Variants in RPGRIP1 observed in about 807,000 individuals in gnomAD.
RPGRIP1 encodes X-linked retinitis pigmentosa GTPase regulator-interacting protein 1.
RPGRIP1 carries 128 observed loss-of-function variants against 157.9 expected under a neutral mutation model. The ratio of observed to expected loss-of-function variants is 0.81; its 90% CI spans 0.70 to 0.94. The LOEUF (loss-of-function observed/expected upper bound fraction) is 0.94. Ranked by LOEUF, RPGRIP1 falls within the 40% of genes least tolerant of loss-of-function variation. The pLI, the probability that RPGRIP1 is intolerant of heterozygous loss-of-function variation, is 0.00. For missense variants in RPGRIP1, 1,486 were observed against 1,545.8 expected (o/e 0.96, Z 0.65); for synonymous variants, 554 against 571.6 (o/e 0.97, Z 0.44).
At chr14:21,334,448 C>T (rs1164981468) in intron 20 of RPGRIP1, among the ~76,000 whole-genome samples, 157 bp from the exon 21 acceptor site, 1 of 151,322 alleles carries the variant, frequency 6.6e-6, no homozygotes, top group Non-Finnish European at 1.5e-5. Context: ...AATAAGTGTA[C>T]CTTTGAAAAA....
At chr14:21,329,929 C>T (rs1356638376) in intron 19 of RPGRIP1, among the ~76,000 whole-genome samples, 1 of 150,878 alleles carries the variant, frequency 6.6e-6, no homozygotes, top group Admixed American at 6.6e-5. Flanking sequence ...ACCAGCCTGG[C>T]CAACATGGTG....
chr14:21,311,831 G>A lies in RPGRIP1; in HGVS notation c.938G>A (p.Gly313Glu), dbSNP rs755322533. 83 of 1,599,994 alleles carry A rather than the reference G, an allele frequency of 5.2e-5. No individual in the cohort carries two copies. The highest frequency in any genetic ancestry group is 6.5e-5 in the Non-Finnish European group (76 of 1,175,226). The change falls in exon 9 of 25, where the codon GGA becomes GAA. Residue 313 changes from glycine to glutamate, a missense_variant. Coordinates refer to ENST00000400017, the MANE Select transcript of RPGRIP1 (RefSeq NM_020366.4). The part of the protein sequence containing the change: ...AYETLLQKNQ[G>E]ILSAAHEALL... ...ACTTTCCTTTTGACCCAGAATCAGG[G>A]AATCCTGAGTGCAGCCCATGAGGCC...
At chr14:21,326,205 C>T (rs371178827) in intron 17 of RPGRIP1, 32 bp downstream of exon 17, 5 of 1,415,468 alleles carry the variant, frequency 3.5e-6, no homozygotes, top group Admixed American at 2.1e-5. Flanking sequence ...ATCTTCACGC[C>T]CTCTTCCCAG....
intron 8 of RPGRIP1, 140 bp downstream of exon 8, chr14:21,310,747 A>G (rs377504054): frequency 1.5e-5 from 10 of 651,554 alleles, no homozygotes; most frequent in African/African-American, 7.3e-5. Context: ...GTTTCTGTTA[A>G]AAATGATACT....
chr14:21,301,871 C>T (rs1216678497), intron 4 of RPGRIP1, among the ~76,000 whole-genome samples: 1 of 151,828 alleles, frequency 6.6e-6, no homozygotes, highest in Non-Finnish European at 1.5e-5. Flanking sequence ...GAGTGACACT[C>T]TGCCTCAAAA....
At chr14:21,307,706 A>C (rs1197288335) in intron 6 of RPGRIP1, 25 bp from the exon 7 acceptor site, 1 of 1,407,310 alleles carries the variant, frequency 7.1e-7, no homozygotes, top group Non-Finnish European at 9.8e-7. Context: ...GTTCAGACAG[A>C]ATAATTTAGC....
chr14:21,332,636 C>A (rs1476347943), intron 20 of RPGRIP1, among the ~76,000 whole-genome samples: 3 of 152,158 alleles, frequency 2.0e-5, no homozygotes, highest in African/African-American at 7.2e-5. Context: ...TGAGTATAAT[C>A]TATATCCACT....
In RPGRIP1 at chr14:21,317,699, G is replaced by C; in HGVS notation, c.1155G>C (p.Met385Ile). The part of the protein sequence containing the change: ...NDNYDKLLES[M>I]LDSSDSSSQP... ...AGAGCTTGCTTTCCATTGCCAGCAT[G>C]CTGGACAGCAGTGACAGCTCCAGTC... The change falls in exon 11 of 25, where the codon ATG (methionine) becomes ATC (isoleucine). Residue 385 changes from methionine (M) to isoleucine (I), a missense_variant. Transcript: ENST00000400017. The C allele has an allele frequency of 6.3e-7, 1 of 1,583,328 alleles. No homozygotes were observed. The highest frequency in any genetic ancestry group is 8.6e-7 in the Non-Finnish European group (1 of 1,164,548).
intron 1 of RPGRIP1, among the ~76,000 whole-genome samples, chr14:21,286,228 C>T (rs1248521528): frequency 6.6e-6 from 1 of 151,818 alleles, no homozygotes; most frequent in East Asian, 1.9e-4. Context: ...TGACCTCGGG[C>T]GATCCGCCCG....
intron 10 of RPGRIP1, among the ~76,000 whole-genome samples, chr14:21,315,023 CA>C (rs887025799): frequency 2.7e-5 from 4 of 145,916 alleles, no homozygotes; most frequent in Non-Finnish European, 4.5e-5. Context: ...GACTCTGTCT[CA>C]AAAAAAAAAT....
chr14:21,302,431 C>G (rs1038592194), intron 4 of RPGRIP1, 57 bp from the exon 5 acceptor site: 1 of 915,506 alleles, frequency 1.1e-6, no homozygotes, highest in Non-Finnish European at 1.6e-6. Flanking sequence ...AGTTTCAGTA[C>G]TTGGTGTTCC....
At chr14:21,313,642 G>A (rs1167153887) in intron 10 of RPGRIP1, among the ~76,000 whole-genome samples, 2 of 151,980 alleles carry the variant, frequency 1.3e-5, no homozygotes, top group Non-Finnish European at 2.9e-5. Flanking sequence ...ACAAAAATTA[G>A]CCAGGCACAG....
intron 24 of RPGRIP1, among the ~76,000 whole-genome samples, chr14:21,350,303 G>T (rs1189623044): frequency 2.0e-5 from 3 of 151,372 alleles, no homozygotes; most frequent in Non-Finnish European, 4.4e-5. Flanking sequence ...TTGAACCCGG[G>T]AGGCGGAGGT....
intron 6 of RPGRIP1, among the ~76,000 whole-genome samples, chr14:21,304,351 G>A (rs1881182983): frequency 6.9e-6 from 1 of 144,888 alleles, no homozygotes; most frequent in Admixed American, 7.1e-5. Flanking sequence ...AGGAGGGAGG[G>A]AGGGAAGGAA....
At chr14:21,312,066 A>G (rs1881561029) in intron 9 of RPGRIP1, 96 bp downstream of exon 9, 5 of 1,187,508 alleles carry the variant, frequency 4.2e-6, no homozygotes, top group Non-Finnish European at 6.0e-6. Flanking sequence ...CATTTTTTCA[A>G]ATGACAAAAA....
intron 1 of RPGRIP1, among the ~76,000 whole-genome samples, chr14:21,281,030 T>G (rs9743612): frequency 7.9e-5 from 12 of 151,724 alleles, no homozygotes; most frequent in African/African-American, 2.7e-4. Flanking sequence ...TTCTTTTTTT[T>G]TTTTTTGAGA....
At chr14:21,348,562 G>T (rs1885800674) in intron 24 of RPGRIP1, among the ~76,000 whole-genome samples, 1 of 151,526 alleles carries the variant, frequency 6.6e-6, no homozygotes, top group South Asian at 2.1e-4. Flanking sequence ...AAAAAGACAA[G>T]TTATTTTCAT....
chr14:21,280,171 T>C lies in RPGRIP1; in HGVS notation c.-39+12T>C, dbSNP rs571456835. Among the ~76,000 whole-genome samples, 33 of 152,154 alleles carry C rather than the reference T, an allele frequency of 2.2e-4. No homozygotes were observed. The highest frequency in any genetic ancestry group is 7.2e-4 in the African/African-American group (30 of 41,530). On this transcript the variant is annotated intron_variant, in intron 1 of 24. Coordinates refer to ENST00000400017, the MANE Select transcript of RPGRIP1 (RefSeq NM_020366.4). ...AGCAAGCAAGAACTGTAAGTTTCTA[T>C]CTGATGCATATTTATAGTTTCCTAT... is the stretch of plus-strand genomic sequence containing the variant.
At chr14:21,328,811 T>C (rs1883392190) in intron 19 of RPGRIP1, among the ~76,000 whole-genome samples, 184 bp downstream of exon 19, 2 of 151,266 alleles carry the variant, frequency 1.3e-5, no homozygotes, top group South Asian at 4.2e-4. Context: ...TCACCTCAGG[T>C]CAGCCTGGCC....
Sources: gnomAD v4.1 joint callset for allele counts (sites outside exome capture counted in the v4.1 genomes callset) on GRCh38, gnomAD v4.1.1 for gene constraint, MANE v1.5 for transcripts, NCBI Gene and HGNC (gene_info 2026-07-23, HGNC 2026-07-21) for gene names.